The following PTPRT variants were observed in gnomAD, a reference collection of about 807,000 sequenced individuals.
PTPRT encodes the protein receptor-type tyrosine-protein phosphatase T.
A neutral mutation model predicts 176.8 loss-of-function variants in PTPRT; 56 were observed. The observed-to-expected ratio is 0.32, with a 90% CI of 0.26 to 0.40. The LOEUF (loss-of-function observed/expected upper bound fraction) is 0.40, where lower values mean the gene tolerates loss of function less well. Ranked by LOEUF, PTPRT falls within the 10% of genes least tolerant of loss-of-function variation. PTPRT has a pLI of 1.00. For missense variants in PTPRT, 1,540 were observed against 1,908.2 expected, an observed-to-expected ratio of 0.81 and a Z score of 3.60; for synonymous variants, 783 against 739.0, an observed-to-expected ratio of 1.06 and a Z score of -0.96.
chr20:42,107,031 T>A, intron 23 of PTPRT, 110 bp from the exon 24 acceptor site: 1 of 1,366,520 alleles, frequency 7.3e-7, no homozygotes, highest in Non-Finnish European at 9.9e-7. Flanking sequence ...AGGCTCTAGA[T>A]TATGTGTTCC....
At chr20:42,709,658 A>C (rs925954702) in intron 6 of PTPRT, among the ~76,000 whole-genome samples, 1 of 152,184 alleles carries the variant, frequency 6.6e-6, no homozygotes, top group Non-Finnish European at 1.5e-5. Flanking sequence ...CCAGGAATGG[A>C]GTGTTGCTAT....
At position 42,350,228 on chromosome 20, in the gene PTPRT, T is replaced by TGTTTGTTTG. The variant is rs745693310; in HGVS notation, c.1865+399_1865+400insCAAACAAAC. On this transcript the variant is annotated intron_variant, in intron 11 of 30. Coordinates refer to ENST00000373187, the MANE Select transcript of PTPRT (RefSeq NM_007050.6). Reference sequence around the variant, plus strand: ...GGATGTTTCTTGTTTTTTTTTTTTTTTTTTTTTTTTTTTTTTTTGAGACAG... The same window carrying TGTTTGTTTG: ...GGATGTTTCTTGTTTTTTTTTTTTTTGTTTGTTTGTTTTTTTTTTTTTTTTTTGAGACAG... Among the ~76,000 whole-genome samples, 7 of 118,068 alleles carry TGTTTGTTTG rather than the reference T, an allele frequency of 5.9e-5. 1 individual carries two copies. Among genetic ancestry groups the TGTTTGTTTG allele is most frequent in the African/African-American group, 2.1e-4 (6 of 28,724 alleles). The allele number at this position is 118,068 out of a possible 152,430, so 77.5% of individuals were successfully genotyped here.
intron 29 of PTPRT, 115 bp downstream of exon 29, chr20:42,084,567 T>A: frequency 1.1e-6 from 1 of 918,368 alleles, no homozygotes; most frequent in Non-Finnish European, 1.4e-6. Flanking sequence ...TGAGGGATGT[T>A]GAGTTGTGGT....
rs2072735245 is a variant in PTPRT, at chr20:42,549,717, TGGTGAATG to T, written c.1154-77163_1154-77156del. Among the ~76,000 whole-genome samples, 4 of 152,132 alleles carry T rather than the reference TGGTGAATG, an allele frequency of 2.6e-5. No homozygotes were observed. The South Asian group carries it at 8.3e-4, about 32-fold the overall frequency. ...CTCAGTGGCAAACCCTCGCCACAGC[TGGTGAATG>T]GGAGGGGAAGGTTGTGGTTTATGTG... On this transcript the variant is annotated intron_variant, in intron 7 of 30. Transcript: ENST00000373187.
At chr20:42,722,380 C>T (rs1398452608) in intron 6 of PTPRT, among the ~76,000 whole-genome samples, 2 of 152,172 alleles carry the variant, frequency 1.3e-5, no homozygotes, top group African/African-American at 4.8e-5. Context: ...CTCTATGTGA[C>T]TAAATCCCCT....
intron 7 of PTPRT, among the ~76,000 whole-genome samples, chr20:42,527,355 C>T (rs1193095347): frequency 1.3e-5 from 2 of 152,112 alleles, no homozygotes; most frequent in East Asian, 1.9e-4. Flanking sequence ...TGCTTTATCC[C>T]TGAAATTGAC....
At chr20:43,039,730 C>T (rs1986528602) in intron 1 of PTPRT, among the ~76,000 whole-genome samples, 1 of 152,042 alleles carries the variant, frequency 6.6e-6, no homozygotes, top group Non-Finnish European at 1.5e-5. Flanking sequence ...TGTCCAAAGA[C>T]CATTTACAAA....
At chr20:42,048,968 C>A in the PTPRT span, among the ~76,000 whole-genome samples, 1 of 152,090 alleles carries the variant, frequency 6.6e-6, no homozygotes, top group Admixed American at 6.5e-5. Flanking sequence ...ATTACAGATG[C>A]CCGCCACCAC....
intron 1 of PTPRT, among the ~76,000 whole-genome samples, chr20:42,891,223 ATTTT>A (rs2079186596): frequency 6.6e-6 from 1 of 152,174 alleles, no homozygotes; most frequent in Admixed American, 6.5e-5. Context: ...CACCACAATC[ATTTT>A]TGGGAGGAAG....
chr20:42,446,621 T>TGTGTGTGTGAGA (rs1491165117), intron 9 of PTPRT, among the ~76,000 whole-genome samples: 5 of 130,084 alleles, frequency 3.8e-5, no homozygotes, highest in East Asian at 2.4e-4. Context: ...TGTGTGTGTG[T>TGTGTGTGTGAGA]GAGAGAGAGA....
chr20:42,554,451 T>C (rs1485616406), intron 7 of PTPRT, among the ~76,000 whole-genome samples: 1 of 152,180 alleles, frequency 6.6e-6, no homozygotes, highest in Non-Finnish European at 1.5e-5. Context: ...CCCAAAGGGC[T>C]TGCAGACTCT....
chr20:42,988,282 T>C (rs1363800436), intron 1 of PTPRT, among the ~76,000 whole-genome samples: 1 of 152,170 alleles, frequency 6.6e-6, no homozygotes, highest in Non-Finnish European at 1.5e-5. Context: ...CTACAAAACC[T>C]AGGAGTCAGG....
chr20:43,044,716 A>G (rs762506884), intron 1 of PTPRT, among the ~76,000 whole-genome samples: 42 of 152,210 alleles, frequency 2.8e-4, no homozygotes, highest in Non-Finnish European at 5.3e-4. Context: ...AAGGTGTGTA[A>G]GACGCTCAGC....
chr20:42,225,561 C>T (rs755610936), intron 15 of PTPRT, among the ~76,000 whole-genome samples: 3 of 151,984 alleles, frequency 2.0e-5, no homozygotes, highest in Non-Finnish European at 4.4e-5. Context: ...TCCTAGCATG[C>T]TATCAAATTA....
intron 2 of PTPRT, among the ~76,000 whole-genome samples, chr20:42,794,157 C>A (rs2077419110): frequency 6.6e-6 from 1 of 152,162 alleles, no homozygotes; most frequent in Non-Finnish European, 1.5e-5. Context: ...CATGCACAAC[C>A]CTGTAACATT....
intron 7 of PTPRT, among the ~76,000 whole-genome samples, chr20:42,507,126 T>A (rs1340830600): frequency 6.6e-6 from 1 of 152,106 alleles, no homozygotes; most frequent in Non-Finnish European, 1.5e-5. Flanking sequence ...TCACTTTATA[T>A]ATCCATGGGC....
chr20:42,443,677 G>A (rs1702393395), intron 9 of PTPRT, among the ~76,000 whole-genome samples: 1 of 152,130 alleles, frequency 6.6e-6, no homozygotes, highest in African/African-American at 2.4e-5. Flanking sequence ...AGTGGTAATA[G>A]GGTCAGGGTG....
intron 9 of PTPRT, among the ~76,000 whole-genome samples, chr20:42,405,367 G>A (rs547508628): frequency 2.1e-4 from 32 of 151,706 alleles, no homozygotes; most frequent in South Asian, 1.7e-3. Context: ...AACAGGCCCC[G>A]GTGTGTGATG....
At position 42,448,296 on chromosome 20, in the gene PTPRT, C is replaced by A; in HGVS notation, c.1484G>T (p.Gly495Val). The stretch of plus-strand genomic sequence containing the variant: ...GTAGATCTTCTCCTCAAAGGGCCCC[C>A]CTTGGATGGATTCTAGAGGAACAGC... Reference protein sequence around the residue: ...PGAVPLESIQGGPFEEKIYIQ... With the variant: ...PGAVPLESIQVGPFEEKIYIQ... The change falls in exon 9 of 31, where the codon GGG becomes GTG. Residue 495 changes from glycine (G) to valine (V), a missense_variant. By Grantham distance (109) the Gly-to-Val change is moderately radical. Transcript: ENST00000373187. The A allele has an allele frequency of 1.2e-6, 2 of 1,613,316 alleles. No individual in the cohort carries two copies. The highest frequency in any genetic ancestry group is 1.7e-6 in the Non-Finnish European group (2 of 1,179,474).
Sources: gnomAD v4.1 joint callset for allele counts (sites outside exome capture counted in the v4.1 genomes callset) on GRCh38, gnomAD v4.1.1 for gene constraint, MANE v1.5 for transcripts, NCBI Gene and HGNC (gene_info 2026-07-23, HGNC 2026-07-21) for gene names.